SGIP1: variants seen among roughly 807,000 people sequenced by gnomAD.
SGIP1 encodes the protein SH3GL interacting endocytic adaptor 1.
SGIP1 carries 38 observed loss-of-function variants against 107.5 expected under a neutral mutation model. That is an observed-to-expected ratio of 0.35 (90% CI 0.27 to 0.46). The LOEUF is 0.46. SGIP1 is among the 20% of genes least tolerant of loss of function. The pLI is 1.00. For missense variants in SGIP1, 929 were observed against 1,019.5 expected, an observed-to-expected ratio of 0.91 and a Z score of 1.21; for synonymous variants, 365 against 366.1, an observed-to-expected ratio of 1.00 and a Z score of 0.03.
intron 21 of SGIP1, among the ~76,000 whole-genome samples, chr1:66,734,441 A>G (rs1347541020): frequency 3.9e-5 from 6 of 151,952 alleles, no homozygotes; most frequent in Admixed American, 3.3e-4. Flanking sequence ...AATTCATACC[A>G]GGATCCTGAT....
At chr1:66,618,704 T>G (rs1276012533) in intron 1 of SGIP1, among the ~76,000 whole-genome samples, 1 of 152,364 alleles carries the variant, frequency 6.6e-6, no homozygotes, top group East Asian at 1.9e-4. Context: ...CTTGACACAG[T>G]GCCTGGCACA....
At chr1:66,626,180 G>A (rs2072705902) in intron 2 of SGIP1, 1 of 206,126 alleles carries the variant, frequency 4.9e-6, no homozygotes, top group African/African-American at 3.0e-5. Flanking sequence ...CTTCCCAGCA[G>A]TCTCAGGAGG....
intron 1 of SGIP1, among the ~76,000 whole-genome samples, chr1:66,573,675 G>A (rs538083751): frequency 3.3e-5 from 5 of 152,140 alleles, no homozygotes; most frequent in South Asian, 4.2e-4. Flanking sequence ...ACCAAATACC[G>A]TATGCTCTCA....
chr1:66,676,005 T>C (rs980471831), intron 12 of SGIP1, among the ~76,000 whole-genome samples: 19 of 152,330 alleles, frequency 1.2e-4, no homozygotes, highest in African/African-American at 4.6e-4. Flanking sequence ...ATCAACCACA[T>C]AGTGGTGGTA....
chr1:66,560,650 G>A (rs1412437672), intron 1 of SGIP1, among the ~76,000 whole-genome samples: 1 of 152,044 alleles, frequency 6.6e-6, no homozygotes, highest in Non-Finnish European at 1.5e-5. Flanking sequence ...TATAACAAGA[G>A]ATGCATTGAG....
intron 18 of SGIP1, among the ~76,000 whole-genome samples, chr1:66,707,732 G>C (rs1385296732): frequency 6.6e-6 from 1 of 152,146 alleles, no homozygotes; most frequent in Non-Finnish European, 1.5e-5. Context: ...GAGTTGATGA[G>C]TTGTCCAGGG....
intron 17 of SGIP1, among the ~76,000 whole-genome samples, chr1:66,693,746 T>G (rs2090339907): frequency 6.6e-6 from 1 of 152,186 alleles, no homozygotes; most frequent in African/African-American, 2.4e-5. Flanking sequence ...TTGGTTAAAG[T>G]CCAGAGCACC....
chr1:66,545,089 T>C (rs2056057256), intron 1 of SGIP1, among the ~76,000 whole-genome samples: 1 of 152,190 alleles, frequency 6.6e-6, no homozygotes, highest in South Asian at 2.1e-4. Flanking sequence ...CTAACACATC[T>C]GATCAGACCT....
At chr1:66,560,835 T>C (rs775635925) in intron 1 of SGIP1, among the ~76,000 whole-genome samples, 7 of 152,090 alleles carry the variant, frequency 4.6e-5, no homozygotes, top group Non-Finnish European at 1.0e-4. Context: ...AGCTTTATGC[T>C]TTGGTTTCCT....
chr1:66,562,443 A>T (rs1296220546), intron 1 of SGIP1, among the ~76,000 whole-genome samples: 1 of 151,968 alleles, frequency 6.6e-6, no homozygotes, highest in African/African-American at 2.4e-5. Flanking sequence ...AATTCTGGGG[A>T]ATGCAAAAGA....
intron 7 of SGIP1, among the ~76,000 whole-genome samples, chr1:66,650,992 A>G (rs1348007398): frequency 6.6e-6 from 1 of 152,188 alleles, no homozygotes; most frequent in Non-Finnish European, 1.5e-5. Flanking sequence ...TTTAAGCCTC[A>G]GTCAAGGCTT....
chr1:66,733,988 T>A, intron 21 of SGIP1, 108 bp downstream of exon 21: 2 of 1,239,686 alleles, frequency 1.6e-6, no homozygotes, highest in Non-Finnish European at 2.1e-6. Flanking sequence ...TAACAGTATT[T>A]AAAAGCTATA....
chr1:66,653,315 T>C (rs958486442), intron 7 of SGIP1, among the ~76,000 whole-genome samples: 3 of 152,166 alleles, frequency 2.0e-5, no homozygotes, highest in Admixed American at 2.0e-4. Context: ...GATTTTTTTT[T>C]CCCTAGGAAA....
At chr1:66,592,371 C>G (rs946915765) in intron 1 of SGIP1, among the ~76,000 whole-genome samples, 1 of 152,190 alleles carries the variant, frequency 6.6e-6, no homozygotes, top group Non-Finnish European at 1.5e-5. Context: ...AGCCCTAAAT[C>G]CATTAAACCT....
chr1:66,617,787 G>T (rs914618812), intron 1 of SGIP1, among the ~76,000 whole-genome samples: 1 of 152,108 alleles, frequency 6.6e-6, no homozygotes, highest in Non-Finnish European at 1.5e-5. Flanking sequence ...CAGCCTTTGT[G>T]TATAAGAAAT....
At chr1:66,548,487 T>A (rs7516148) in intron 1 of SGIP1, among the ~76,000 whole-genome samples, 38,121 of 151,930 alleles carry the variant, frequency 0.25, 5,299 homozygotes, top group African/African-American at 0.37. Flanking sequence ...TTCAGAGACA[T>A]GCTGACAGCT....
At chr1:66,694,781 A>G in intron 17 of SGIP1, 1 of 351,558 alleles carries the variant, frequency 2.8e-6, no homozygotes. Flanking sequence ...AAAGGAAAGA[A>G]TAATTTAACT....
intron 1 of SGIP1, among the ~76,000 whole-genome samples, chr1:66,611,354 G>T (rs767811826): frequency 5.9e-5 from 9 of 152,158 alleles, no homozygotes; most frequent in Admixed American, 3.3e-4. Flanking sequence ...TAGAGCTCAG[G>T]GTTGCAGAGA....
intron 7 of SGIP1, among the ~76,000 whole-genome samples, chr1:66,656,543 A>G (rs1374126680): frequency 3.9e-5 from 6 of 152,148 alleles, no homozygotes; most frequent in Non-Finnish European, 1.5e-5. Context: ...GGCAATAGAA[A>G]TTTTTCAACT....
Sources: allele counts gnomAD v4.1 joint callset (sites outside exome capture counted in the v4.1 genomes callset), GRCh38; gene constraint gnomAD v4.1.1; transcripts MANE v1.5; gene names NCBI Gene and HGNC (gene_info 2026-07-23, HGNC 2026-07-21).